Variants in PARD6G observed in about 807,000 individuals in gnomAD.
The protein encoded by PARD6G is partitioning defective 6 homolog gamma.
Under a neutral mutation model 10.7 loss-of-function variants are expected in PARD6G, and 7 were observed. The ratio of observed to expected loss-of-function variants is 0.66; its 90% CI spans 0.37 to 1.23. PARD6G has a LOEUF of 1.23. PARD6G is among the 50% of genes most tolerant of loss of function. PARD6G has a pLI of 0.02. For missense variants in PARD6G, 548 were observed against 571.8 expected, an observed-to-expected ratio of 0.96 and a Z score of 0.42; for synonymous variants, 287 against 269.4, an observed-to-expected ratio of 1.07 and a Z score of -0.64.
At chr18:80,197,040 T>C (rs979562768) in intron 2 of PARD6G, among the ~76,000 whole-genome samples, 1 of 151,906 alleles carries the variant, frequency 6.6e-6, no homozygotes, top group Non-Finnish European at 1.5e-5. Context: ...CATAAGCACA[T>C]GGACACAGTG....
At chr18:80,222,560 A>T (rs1047139244) in intron 1 of PARD6G, among the ~76,000 whole-genome samples, 2 of 152,186 alleles carry the variant, frequency 1.3e-5, no homozygotes, top group Admixed American at 6.5e-5. Context: ...TAGTTGAAGA[A>T]CTCACACTTC....
At chr18:80,236,192 T>C (rs1395424776) in intron 1 of PARD6G, among the ~76,000 whole-genome samples, 2 of 152,164 alleles carry the variant, frequency 1.3e-5, no homozygotes, top group African/African-American at 4.8e-5. Context: ...CAAGGCTGGT[T>C]CAACAAGCAC....
At chr18:80,174,932 G>A (rs544390012) in intron 2 of PARD6G, among the ~76,000 whole-genome samples, 1 of 151,968 alleles carries the variant, frequency 6.6e-6, no homozygotes, top group African/African-American at 2.4e-5. Flanking sequence ...CTGGGCGACA[G>A]AGCCAGACTC....
intron 2 of PARD6G, among the ~76,000 whole-genome samples, chr18:80,194,980 G>A (rs897602251): frequency 5.9e-5 from 9 of 152,122 alleles, no homozygotes; most frequent in Non-Finnish European, 7.4e-5. Flanking sequence ...GTGTGGCTGG[G>A]GAATAAAACG....
At chr18:80,176,110 G>C (rs764864301) in intron 2 of PARD6G, among the ~76,000 whole-genome samples, 12 of 152,098 alleles carry the variant, frequency 7.9e-5, no homozygotes, top group Non-Finnish European at 1.6e-4. Flanking sequence ...ACAGAAAAGC[G>C]GGGGTGGGGG....
At position 80,203,083 on chromosome 18, in the gene PARD6G, T is replaced by C. The variant is rs1382153893; in HGVS notation, c.73-151A>G. ...ATCCACTGATAGACACATAAGTTGATTTCATCTTTGCTATTATGAATAGTG... is the reference window on the plus strand; with the variant it reads ...ATCCACTGATAGACACATAAGTTGACTTCATCTTTGCTATTATGAATAGTG... On this transcript the variant is annotated intron_variant, in intron 1 of 2. Coordinates refer to ENST00000353265, the MANE Select transcript of PARD6G (RefSeq NM_032510.4). 3 of 590,556 alleles carry C rather than the reference T, an allele frequency of 5.1e-6. No individual in the cohort carries two copies. In the East Asian group the frequency reaches 9.0e-5, roughly 18 times the overall value. 36.6% of individuals were successfully genotyped at this position (590,556 alleles called of 1,614,324 possible).
At chr18:80,204,422 C>A (rs1967037014) in intron 1 of PARD6G, among the ~76,000 whole-genome samples, 2 of 151,990 alleles carry the variant, frequency 1.3e-5, no homozygotes, top group South Asian at 4.2e-4. Flanking sequence ...GATCTGGGGA[C>A]CACACACAGA....
chr18:80,221,316 A>G (rs1287357871), intron 1 of PARD6G, among the ~76,000 whole-genome samples: 1 of 152,214 alleles, frequency 6.6e-6, no homozygotes, highest in Non-Finnish European at 1.5e-5. Context: ...TCCTCAAGAG[A>G]ATACTAGCAC....
intron 1 of PARD6G, among the ~76,000 whole-genome samples, chr18:80,242,028 G>GT (rs1967495355): frequency 6.6e-6 from 1 of 152,084 alleles, no homozygotes; most frequent in Non-Finnish European, 1.5e-5. Context: ...AATGCCATGG[G>GT]TCCTAGGAAA....
At chr18:80,179,191 T>A (rs2052834234) in intron 2 of PARD6G, among the ~76,000 whole-genome samples, 1 of 150,622 alleles carries the variant, frequency 6.6e-6, no homozygotes, top group African/African-American at 2.4e-5. Context: ...CACAGCACCT[T>A]CACAGGAAGG....
chr18:80,211,350 T>C (rs1967105924), intron 1 of PARD6G, among the ~76,000 whole-genome samples: 2 of 152,156 alleles, frequency 1.3e-5, no homozygotes, highest in South Asian at 2.1e-4. Flanking sequence ...ACAAACACAT[T>C]TAAAAGACAA....
At chr18:80,177,872 C>A (rs1352796433) in intron 2 of PARD6G, among the ~76,000 whole-genome samples, 5 of 151,304 alleles carry the variant, frequency 3.3e-5, no homozygotes, top group Admixed American at 3.3e-4. Flanking sequence ...CATGTGCACA[C>A]ACACCCACCA....
intron 2 of PARD6G, chr18:80,202,030 G>T (rs555471099): frequency 6.6e-6 from 1 of 152,466 alleles, no homozygotes; most frequent in South Asian, 2.1e-4. Flanking sequence ...TGCACCGTGG[G>T]GCCGCCCAAA....
chr18:80,174,239 C>T (rs1180383287), intron 2 of PARD6G, among the ~76,000 whole-genome samples: 1 of 152,184 alleles, frequency 6.6e-6, no homozygotes, highest in Non-Finnish European at 1.5e-5. Flanking sequence ...GGCTGAACTC[C>T]CACCTCCTCA....
intron 1 of PARD6G, among the ~76,000 whole-genome samples, chr18:80,240,110 G>A (rs920854038): frequency 4.6e-5 from 7 of 152,202 alleles, no homozygotes; most frequent in South Asian, 2.1e-4. Flanking sequence ...AGCCATTCAC[G>A]AGGGATCCAC....
At chr18:80,168,148 C>T (rs900882850) in intron 2 of PARD6G, among the ~76,000 whole-genome samples, 5 of 152,174 alleles carry the variant, frequency 3.3e-5, no homozygotes, top group African/African-American at 7.2e-5. Flanking sequence ...CCAACCACCC[C>T]GCCTGCTTCC....
At chr18:80,190,227 A>G (rs1410578686) in intron 2 of PARD6G, among the ~76,000 whole-genome samples, 1 of 151,730 alleles carries the variant, frequency 6.6e-6, no homozygotes, top group Non-Finnish European at 1.5e-5. Flanking sequence ...GAAACGACCC[A>G]AGCCACCTTC....
chr18:80,159,928 C>T lies in PARD6G; in HGVS notation c.974G>A (p.Arg325Gln). Residue 325 changes from arginine (R) to glutamine (Q), a missense_variant, in exon 3 of 3, where the codon CGG (arginine) becomes CAG (glutamine). By Grantham distance (43) the Arg-to-Gln change is conservative. Coordinates refer to ENST00000353265, the MANE Select transcript of PARD6G (RefSeq NM_032510.4). ...CTGCGCCAGGCCCGCGCCATTGACCCGGGAGAGGCTGCCTGCGGGCGCGCC... is the reference window on the plus strand; with the variant it reads ...CTGCGCCAGGCCCGCGCCATTGACCTGGGAGAGGCTGCCTGCGGGCGCGCC... ...TPGAPAGSLSRVNGAGLAQRL... is the reference protein window; with the variant it reads ...TPGAPAGSLSQVNGAGLAQRL... 1 of 1,511,130 alleles carries T rather than the reference C, an allele frequency of 6.6e-7. No individual in the cohort carries two copies. Among genetic ancestry groups the T allele is most frequent in the Non-Finnish European group, 8.8e-7 (1 of 1,137,614 alleles). The allele number at this position is 1,511,130 out of a possible 1,614,324, so 93.6% of individuals were successfully genotyped here. A position where few individuals can be genotyped will look rare whatever the true frequency, so the allele number is the denominator to read the frequency against.
rs2052863423 is a variant in PARD6G at position 80,184,502 on chromosome 18, G to GCAGCGGGAGCAAGGCAGTGAAACCCT, written c.295+18207_295+18208insAGGGTTTCACTGCCTTGCTCCCGCTG. The GCAGCGGGAGCAAGGCAGTGAAACCCT allele has an allele frequency of 6.6e-6, 1 of 151,018 alleles. No individual in the cohort carries two copies. The highest frequency in any genetic ancestry group is 6.7e-5 in the Admixed American group (1 of 14,958). The allele number at this position is 151,018 out of a possible 1,614,324, so 9.4% of individuals were successfully genotyped here. A position where few individuals can be genotyped will look rare whatever the true frequency, so the allele number is the denominator to read the frequency against. ...CAGCGGGAGCAAGGCGGTGAAACCC[G>GCAGCGGGAGCAAGGCAGTGAAACCCT]CAGAGGGAGCAAGGCCGTGAAACCC... is the stretch of plus-strand genomic sequence containing the variant. On this transcript the variant is annotated intron_variant, in intron 2 of 2. Coordinates refer to ENST00000353265, the MANE Select transcript of PARD6G (RefSeq NM_032510.4). The surrounding 1 kb of genome is among the most constrained non-coding windows in gnomAD (Gnocchi z 4.5).
Sources: gnomAD v4.1 joint callset for allele counts (sites outside exome capture counted in the v4.1 genomes callset) on GRCh38, gnomAD v4.1.1 for gene constraint, Gnocchi (gnomAD v3.1) non-coding constraint, MANE v1.5 for transcripts, NCBI Gene and HGNC (gene_info 2026-07-23, HGNC 2026-07-21) for gene names.